The following FSTL5 variants were observed in gnomAD, a reference collection of about 807,000 sequenced individuals.
FSTL5 encodes follistatin like 5, also known as follistatin-related protein 5.
In FSTL5, 62 loss-of-function variants were observed where a neutral mutation model predicts 89.1. The observed-to-expected ratio is 0.70, with a 90% confidence interval of 0.57 to 0.86. FSTL5 has a LOEUF of 0.86. FSTL5 is among the 40% of genes least tolerant of loss of function. FSTL5 has a pLI of 0.00. For synonymous variants in FSTL5, 383 were observed against 346.2 expected, an observed-to-expected ratio of 1.11 and a Z score of -1.18; for missense variants, 1,057 against 1,001.6, an observed-to-expected ratio of 1.06 and a Z score of -0.75.
At chr4:162,073,931 C>T (rs1305916227) in intron 2 of FSTL5, among the ~76,000 whole-genome samples, 1 of 151,660 alleles carries the variant, frequency 6.6e-6, no homozygotes, top group Non-Finnish European at 1.5e-5. Flanking sequence ...TACTTTTCAG[C>T]TTGGCAATAG....
At chr4:161,592,186 C>T (rs1733844256) in intron 7 of FSTL5, among the ~76,000 whole-genome samples, 1 of 152,156 alleles carries the variant, frequency 6.6e-6, no homozygotes, top group Non-Finnish European at 1.5e-5. Context: ...CATTGTGAAA[C>T]ATGTCAACCC....
intron 9 of FSTL5, among the ~76,000 whole-genome samples, chr4:161,540,892 T>G (rs1203258382): frequency 6.6e-6 from 1 of 152,136 alleles, no homozygotes; most frequent in African/African-American, 2.4e-5. Context: ...TGTTGACCTC[T>G]TTATTTTTAA....
At chr4:161,401,134 T>C (rs564447638) in intron 15 of FSTL5, among the ~76,000 whole-genome samples, 1 of 152,174 alleles carries the variant, frequency 6.6e-6, no homozygotes, top group Non-Finnish European at 1.5e-5. Flanking sequence ...ATTTTAGAGA[T>C]TGAACTAAGC....
chr4:162,037,184 G>A (rs76266211), intron 2 of FSTL5, among the ~76,000 whole-genome samples: 13,999 of 151,854 alleles, frequency 0.092, 773 homozygotes, highest in Non-Finnish European at 0.12. Context: ...GAAAGGGTGG[G>A]TGTGATAGAA....
intron 6 of FSTL5, among the ~76,000 whole-genome samples, chr4:161,722,843 T>C (rs1739262047): frequency 6.6e-6 from 1 of 152,136 alleles, no homozygotes; most frequent in Non-Finnish European, 1.5e-5. Flanking sequence ...ATAATACTTT[T>C]GGGCCACTAA....
At chr4:162,012,805 TTAAG>T (rs1462874852) in intron 3 of FSTL5, among the ~76,000 whole-genome samples, 13 of 152,228 alleles carry the variant, frequency 8.5e-5, no homozygotes, top group South Asian at 2.1e-4. Context: ...TTTTGCAAAA[TTAAG>T]TTTTTCACCC....
chr4:162,077,243 C>T (rs1729889611), intron 2 of FSTL5, among the ~76,000 whole-genome samples: 1 of 151,636 alleles, frequency 6.6e-6, no homozygotes, highest in African/African-American at 2.4e-5. Context: ...AGAGGGAGCC[C>T]AACTGGTCCT....
chr4:162,011,274 T>C (rs1052397240), intron 3 of FSTL5, among the ~76,000 whole-genome samples: 2 of 152,156 alleles, frequency 1.3e-5, no homozygotes, highest in East Asian at 1.9e-4. Context: ...CAGGCTCATA[T>C]TGAGTTATAT....
chr4:161,573,112 G>C (rs770674227), intron 8 of FSTL5, among the ~76,000 whole-genome samples: 1 of 152,092 alleles, frequency 6.6e-6, no homozygotes, highest in Non-Finnish European at 1.5e-5. Context: ...GCTGCCTTAA[G>C]AAATATCACA....
chr4:161,501,861 T>C lies in FSTL5; in HGVS notation c.1340-1727A>G, dbSNP rs190058623. 2.4e-3 allele frequency among the ~76,000 whole-genome samples: 364 copies of C among 152,120 alleles called. 4 individuals are homozygous for C. In the Middle Eastern group the frequency reaches 0.048, roughly 20 times the overall value. ...CACATAAGTATTTATGCCAAAGCTT[T>C]TTGATTTGTATCAGCAAAGCCTCCA... On this transcript the variant is annotated intron_variant, in intron 11 of 15. Transcript: ENST00000306100.
In FSTL5 at chr4:161,917,288, A is replaced by G. The variant is rs115710828; in HGVS notation, c.409+3116T>C. Among the ~76,000 whole-genome samples, 801 of 152,306 alleles carry G rather than the reference A, an allele frequency of 5.3e-3. 7 individuals carry two copies. The highest frequency in any genetic ancestry group is 0.018 in the African/African-American group (765 of 41,556). On this transcript the variant is annotated intron_variant, in intron 4 of 15. Coordinates refer to ENST00000306100, the MANE Select transcript of FSTL5 (RefSeq NM_020116.5). Reference sequence around the variant, plus strand: ...AGTTTAAACATAAATGCCAAATATAAATCTGATATAAACAAACAGGACTTA... The same window carrying G: ...AGTTTAAACATAAATGCCAAATATAGATCTGATATAAACAAACAGGACTTA...
intron 5 of FSTL5, among the ~76,000 whole-genome samples, chr4:161,774,788 T>C (rs1741347154): frequency 6.6e-6 from 1 of 152,064 alleles, no homozygotes; most frequent in Non-Finnish European, 1.5e-5. Flanking sequence ...CTTATTACTA[T>C]AAAGTATAAA....
intron 4 of FSTL5, among the ~76,000 whole-genome samples, chr4:161,844,730 G>A (rs112693915): frequency 0.07 from 10,618 of 152,140 alleles, 398 homozygotes; most frequent in African/African-American, 0.093. Context: ...TTAAGTGGGA[G>A]TTGAGCAAAT....
chr4:161,877,866 G>A (rs1258114086), intron 4 of FSTL5, among the ~76,000 whole-genome samples: 1 of 151,452 alleles, frequency 6.6e-6, no homozygotes, highest in Admixed American at 6.6e-5. Flanking sequence ...GTGTTAGCCA[G>A]GATGGTCTCG....
intron 3 of FSTL5, among the ~76,000 whole-genome samples, chr4:161,981,433 T>C (rs748533028): frequency 3.3e-5 from 5 of 152,234 alleles, no homozygotes; most frequent in Non-Finnish European, 7.3e-5. Flanking sequence ...TGTTTTTTGA[T>C]ATGCTGCAAC....
intron 7 of FSTL5, among the ~76,000 whole-genome samples, chr4:161,638,583 G>T (rs1426775692): frequency 2.0e-5 from 3 of 150,470 alleles, no homozygotes; most frequent in Non-Finnish European, 4.4e-5. Flanking sequence ...GGAGGAACTG[G>T]TACCATTCCT....
intron 7 of FSTL5, among the ~76,000 whole-genome samples, chr4:161,655,263 T>C (rs1308144620): frequency 6.6e-6 from 1 of 151,918 alleles, no homozygotes; most frequent in Non-Finnish European, 1.5e-5. Flanking sequence ...TAACCAAGAG[T>C]AGTAGAGTAC....
chr4:161,613,427 C>T (rs1287372301), intron 7 of FSTL5, among the ~76,000 whole-genome samples: 5 of 146,348 alleles, frequency 3.4e-5, no homozygotes, highest in African/African-American at 5.1e-5. Context: ...TCCAGTCTGG[C>T]GACAGAGTGA....
At chr4:161,659,165 A>G (rs1171999264) in intron 6 of FSTL5, among the ~76,000 whole-genome samples, 1 of 152,202 alleles carries the variant, frequency 6.6e-6, no homozygotes, top group Non-Finnish European at 1.5e-5. Flanking sequence ...ATGCACAGAA[A>G]AACTTACTTT....
Sources: allele counts gnomAD v4.1 joint callset (sites outside exome capture counted in the v4.1 genomes callset), GRCh38; gene constraint gnomAD v4.1.1; transcripts MANE v1.5; gene names NCBI Gene and HGNC (gene_info 2026-07-23, HGNC 2026-07-21).